Variants in CSMD1 observed in about 807,000 individuals in gnomAD.
The protein encoded by CSMD1 is CUB and sushi domain-containing protein 1.
In CSMD1, 213 loss-of-function variants were observed where a neutral mutation model predicts 417.5. The ratio of observed to expected loss-of-function variants is 0.51; its 90% CI spans 0.46 to 0.57. The LOEUF (loss-of-function observed/expected upper bound fraction) is 0.57, where lower values mean the gene tolerates loss of function less well. Ranked by LOEUF, CSMD1 falls within the 20% of genes least tolerant of loss-of-function variation. CSMD1 has a pLI of 0.00. For synonymous variants in CSMD1, 2,862 were observed against 1,736.8 expected (o/e 1.65, Z -16.11); for missense variants, 6,923 against 4,529.7 (o/e 1.53, Z -15.17).
At chr8:3,670,501 CAT>C (rs374623101) in intron 7 of CSMD1, among the ~76,000 whole-genome samples, 3,155 of 124,906 alleles carry the variant, frequency 0.025, 62 homozygotes, top group East Asian at 0.11. Flanking sequence ...ATATATATCC[CAT>C]ATATATATAT....
chr8:3,887,862 A>G (rs958775989), intron 5 of CSMD1, among the ~76,000 whole-genome samples: 1 of 152,200 alleles, frequency 6.6e-6, no homozygotes, highest in South Asian at 2.1e-4. Context: ...TCGAAGTCTT[A>G]TTCATGCTTT....
chr8:4,226,326 C>A (rs1372964110), intron 3 of CSMD1, among the ~76,000 whole-genome samples: 1 of 152,124 alleles, frequency 6.6e-6, no homozygotes. Context: ...TAGAGACCAT[C>A]AAATACTCTA....
At chr8:3,990,206 C>A (rs73501229) in intron 5 of CSMD1, among the ~76,000 whole-genome samples, 2,473 of 152,242 alleles carry the variant, frequency 0.016, 74 homozygotes, top group African/African-American at 0.056. Context: ...TGATTACAAA[C>A]AACAGGTATT....
intron 6 of CSMD1, among the ~76,000 whole-genome samples, chr8:3,708,880 T>C (rs948402673): frequency 1.4e-4 from 21 of 152,248 alleles, no homozygotes; most frequent in Admixed American, 7.8e-4. Context: ...GCTATAATCA[T>C]GAAAAAAAGT....
intron 37 of CSMD1, among the ~76,000 whole-genome samples, chr8:3,169,700 T>G (rs1442025550): frequency 6.7e-6 from 1 of 149,528 alleles, no homozygotes; most frequent in Non-Finnish European, 1.5e-5. Context: ...AGGAGCCCGC[T>G]GAGTCTAGAG....
chr8:4,425,930 A>T (rs1283804337), intron 2 of CSMD1, among the ~76,000 whole-genome samples: 1 of 152,166 alleles, frequency 6.6e-6, no homozygotes, highest in African/African-American at 2.4e-5. Context: ...GTTTTACAAA[A>T]AATACAAGCA....
intron 3 of CSMD1, among the ~76,000 whole-genome samples, chr8:4,319,582 A>G (rs965305465): frequency 6.6e-6 from 1 of 152,328 alleles, no homozygotes; most frequent in East Asian, 1.9e-4. Context: ...GTTGAATAAC[A>G]GGAAATACAG....
At chr8:4,933,469 G>C (rs1033776972) in intron 1 of CSMD1, among the ~76,000 whole-genome samples, 1 of 152,190 alleles carries the variant, frequency 6.6e-6, no homozygotes, top group East Asian at 1.9e-4. Flanking sequence ...CCAACAAGGA[G>C]AGAACTGTCA....
intron 3 of CSMD1, among the ~76,000 whole-genome samples, chr8:4,108,351 G>A (rs1417658908): frequency 6.6e-6 from 1 of 152,106 alleles, no homozygotes; most frequent in Non-Finnish European, 1.5e-5. Context: ...CTCCTGGCAT[G>A]CAAGATCTCA....
chr8:3,306,223 G>A (rs193185149), intron 25 of CSMD1, among the ~76,000 whole-genome samples: 76 of 151,932 alleles, frequency 5.0e-4, no homozygotes, highest in African/African-American at 1.8e-3. Flanking sequence ...TGATAGGGTG[G>A]CTTTTCTGAA....
chr8:4,789,905 G>C (rs974276011), intron 1 of CSMD1, among the ~76,000 whole-genome samples: 3 of 152,110 alleles, frequency 2.0e-5, no homozygotes, highest in Admixed American at 6.5e-5. Flanking sequence ...GAATTTAGTA[G>C]TAGCCATCAG....
At chr8:3,058,657 G>C (rs1008786215) in intron 49 of CSMD1, among the ~76,000 whole-genome samples, 1 of 151,902 alleles carries the variant, frequency 6.6e-6, no homozygotes. Context: ...CATGCTGATG[G>C]CACTAATATC....
At chr8:3,955,668 G>C (rs1009111594) in intron 5 of CSMD1, among the ~76,000 whole-genome samples, 3 of 152,146 alleles carry the variant, frequency 2.0e-5, no homozygotes, top group Non-Finnish European at 4.4e-5. Flanking sequence ...TTCTAAAAGA[G>C]TGTCTCAGAG....
intron 3 of CSMD1, among the ~76,000 whole-genome samples, chr8:4,253,619 G>T (rs145315729): frequency 1.6e-4 from 25 of 152,194 alleles, no homozygotes; most frequent in African/African-American, 5.5e-4. Flanking sequence ...TCAAGTAAAA[G>T]ACTGGAGGGA....
intron 7 of CSMD1, among the ~76,000 whole-genome samples, chr8:3,698,724 A>G (rs544166765): frequency 2.0e-5 from 3 of 152,336 alleles, no homozygotes; most frequent in East Asian, 3.9e-4. Context: ...TTTCTCACAG[A>G]TGAGTAAAGA....
intron 1 of CSMD1, among the ~76,000 whole-genome samples, chr8:4,945,767 TGAATACTGGA>T (rs1338538739): frequency 6.6e-6 from 1 of 152,008 alleles, no homozygotes; most frequent in Non-Finnish European, 1.5e-5. Flanking sequence ...GAGAAGATGA[TGAATACTGGA>T]GAATGGTGAC....
At chr8:3,917,203 G>T (rs1317603429) in intron 5 of CSMD1, among the ~76,000 whole-genome samples, 1 of 152,160 alleles carries the variant, frequency 6.6e-6, no homozygotes, top group African/African-American at 2.4e-5. Context: ...TCTCAGCTAA[G>T]TGTTTCCCAT....
At chr8:3,835,975 C>G (rs937231448) in intron 5 of CSMD1, among the ~76,000 whole-genome samples, 1 of 152,104 alleles carries the variant, frequency 6.6e-6, no homozygotes, top group East Asian at 1.9e-4. Flanking sequence ...GACCTTGACT[C>G]TCTTATTATT....
At chr8:3,388,857 C>T (rs932096585) in intron 17 of CSMD1, among the ~76,000 whole-genome samples, 1 of 150,978 alleles carries the variant, frequency 6.6e-6, no homozygotes, top group Non-Finnish European at 1.5e-5. Flanking sequence ...ACCACCTGCT[C>T]CTCCCTCCCT....
Sources: allele counts gnomAD v4.1 joint callset (sites outside exome capture counted in the v4.1 genomes callset), GRCh38; gene constraint gnomAD v4.1.1; transcripts MANE v1.5; gene names NCBI Gene and HGNC (gene_info 2026-07-23, HGNC 2026-07-21).